Variants in FMN2 observed in about 807,000 individuals in gnomAD.
FMN2 encodes formin-2.
In FMN2, 51 loss-of-function variants were observed where a neutral mutation model predicts 142.3. The ratio of observed to expected loss-of-function variants is 0.36; its 90% CI spans 0.29 to 0.45. The LOEUF (loss-of-function observed/expected upper bound fraction) is 0.45. Among genes scored for constraint, FMN2 ranks in the 20% least tolerant of loss-of-function variants. The pLI, the probability that FMN2 is intolerant of heterozygous loss-of-function variation, is 1.00. For synonymous variants in FMN2, 882 were observed against 869.8 expected, an observed-to-expected ratio of 1.01 and a Z score of -0.25; for missense variants, 1,936 against 2,122.8, an observed-to-expected ratio of 0.91 and a Z score of 1.73.
chr1:240,202,503 T>C (rs905702254), intron 4 of FMN2, among the ~76,000 whole-genome samples: 6 of 152,116 alleles, frequency 3.9e-5, no homozygotes, highest in African/African-American at 1.4e-4. Context: ...ACTATTGTTG[T>C]TTTTTATATT....
intron 15 of FMN2, among the ~76,000 whole-genome samples, chr1:240,411,451 A>G (rs920142967): frequency 1.3e-5 from 2 of 151,946 alleles, no homozygotes; most frequent in Non-Finnish European, 2.9e-5. Flanking sequence ...CATGCCTGTA[A>G]TCCCAGCTAC....
intron 4 of FMN2, among the ~76,000 whole-genome samples, chr1:240,193,290 G>C (rs1053435008): frequency 3.3e-5 from 5 of 152,154 alleles, no homozygotes; most frequent in African/African-American, 9.7e-5. Flanking sequence ...ATTTGTGGTA[G>C]ATATTGAAGG....
chr1:240,148,833 A>G (rs992855037), intron 2 of FMN2, among the ~76,000 whole-genome samples: 8 of 152,052 alleles, frequency 5.3e-5, no homozygotes, highest in Non-Finnish European at 1.0e-4. Context: ...TTAGCCGGGC[A>G]TGGTGACGAG....
At chr1:240,422,614 A>G (rs75760213) in intron 15 of FMN2, among the ~76,000 whole-genome samples, 2,060 of 152,242 alleles carry the variant, frequency 0.014, 20 homozygotes, top group Non-Finnish European at 0.023. Context: ...ACCTTGCTAT[A>G]TTTGTGTATT....
chr1:240,358,921 G>T (rs920805649), intron 14 of FMN2, among the ~76,000 whole-genome samples: 1 of 152,136 alleles, frequency 6.6e-6, no homozygotes, highest in Non-Finnish European at 1.5e-5. Context: ...CAGGTCACAT[G>T]AGGCCAGGAG....
chr1:240,363,867 T>C (rs17680224), intron 14 of FMN2, among the ~76,000 whole-genome samples: 33,618 of 151,950 alleles, frequency 0.22, 3,926 homozygotes, highest in Admixed American at 0.32. Flanking sequence ...GTCCCCATGC[T>C]GGTCATGCTG....
chr1:240,415,751 C>T (rs1674556891), intron 15 of FMN2, among the ~76,000 whole-genome samples: 1 of 152,048 alleles, frequency 6.6e-6, no homozygotes, highest in African/African-American at 2.4e-5. Context: ...GTTTGCAGTG[C>T]AATGCAGTAA....
intron 1 of FMN2, among the ~76,000 whole-genome samples, chr1:240,119,038 G>A (rs1662132228): frequency 6.6e-6 from 1 of 152,098 alleles, no homozygotes; most frequent in African/African-American, 2.4e-5. Context: ...GACTTAAAAT[G>A]CCTCCACCTG....
intron 15 of FMN2, among the ~76,000 whole-genome samples, chr1:240,406,035 G>GGAGTGGGGGGAGCGAAGGGAAGCAGCC (rs1674149395): frequency 4.4e-5 from 2 of 45,496 alleles, no homozygotes; most frequent in African/African-American, 1.5e-4. Context: ...GGGAAGCAGC[G>GGAGTGGGGGGAGCGAAGGGAAGCAGCC]TCAGGAGTCG....
intron 8 of FMN2, among the ~76,000 whole-genome samples, chr1:240,311,006 A>C (rs1265844837): frequency 6.6e-6 from 1 of 152,176 alleles, no homozygotes; most frequent in Non-Finnish European, 1.5e-5. Flanking sequence ...AACTGAAGAA[A>C]AATACATGAA....
At chr1:240,146,636 G>T (rs1389669210) in intron 2 of FMN2, among the ~76,000 whole-genome samples, 5 of 152,042 alleles carry the variant, frequency 3.3e-5, no homozygotes, top group Non-Finnish European at 1.5e-5. Context: ...CCCAGGAGGT[G>T]GATGTTGCAG....
intron 4 of FMN2, among the ~76,000 whole-genome samples, chr1:240,201,777 G>C (rs2124726): frequency 0.3 from 45,879 of 151,894 alleles, 7,179 homozygotes; most frequent in South Asian, 0.37. Context: ...ATTGGTACCT[G>C]GGTATATCAG....
In FMN2 at chr1:240,207,487, C is replaced by T. The variant is rs1558361166; in HGVS notation, c.2675C>T (p.Pro892Leu). ...PLPGMTVPTLPSTAIPQPPPL... is the reference protein window; with the variant it reads ...PLPGMTVPTLLSTAIPQPPPL... ...CCTGGCATGACAGTGCCTACTCTGC[C>T]CAGTACAGCCATTCCCCAACCTCCT... The change falls in exon 5 of 18, where the codon CCC (proline) becomes CTC (leucine). Residue 892 changes from proline to leucine, a missense_variant. Around this residue, in one of 8 missense-constraint regions of FMN2, gnomAD observed 478 missense variants for 462.8 expected, o/e 1.03. Coordinates refer to ENST00000319653, the MANE Select transcript of FMN2 (RefSeq NM_020066.5). The T allele has an allele frequency of 2.5e-6, 4 of 1,613,404 alleles. No homozygotes were observed. In the African/African-American group the frequency reaches 5.4e-5, roughly 22 times the overall value.
At chr1:240,461,653 G>T (rs1430908528) in intron 16 of FMN2, among the ~76,000 whole-genome samples, 4 of 152,208 alleles carry the variant, frequency 2.6e-5, no homozygotes, top group Non-Finnish European at 5.9e-5. Flanking sequence ...TTAAGCCCAT[G>T]ATTTTGTCCC....
At chr1:240,213,998 C>A (rs1279449028) in intron 6 of FMN2, among the ~76,000 whole-genome samples, 1 of 152,172 alleles carries the variant, frequency 6.6e-6, no homozygotes, top group Non-Finnish European at 1.5e-5. Flanking sequence ...ATTTCCAAAT[C>A]CTTTTTTCTC....
intron 15 of FMN2, among the ~76,000 whole-genome samples, chr1:240,418,735 A>G (rs2103137898): frequency 6.6e-6 from 1 of 150,776 alleles, no homozygotes; most frequent in Non-Finnish European, 1.5e-5. Context: ...CTATTTTATT[A>G]TTTTAAACTG....
intron 13 of FMN2, 48 bp from the exon 14 acceptor site, chr1:240,355,767 TG>T: frequency 7.3e-7 from 1 of 1,363,228 alleles, no homozygotes; most frequent in Non-Finnish European, 1.0e-6. Flanking sequence ...ATTGCCTTAA[TG>T]CTCCACTAAC....
At chr1:240,303,374 T>A (rs1670271530) in intron 8 of FMN2, among the ~76,000 whole-genome samples, 1 of 152,208 alleles carries the variant, frequency 6.6e-6, no homozygotes, top group Non-Finnish European at 1.5e-5. Context: ...CCAGCTTTAG[T>A]ATATCTGGAA....
At position 240,270,242 on chromosome 1, in the gene FMN2, G is replaced by A. The variant is rs150795019; in HGVS notation, c.4153+12210G>A. Among the ~76,000 whole-genome samples, 394 of 152,128 alleles carry A rather than the reference G, an allele frequency of 2.6e-3. 1 individual carries two copies. Among genetic ancestry groups the A allele is most frequent in the South Asian group, 0.022 (107 of 4,828 alleles). On this transcript the variant is annotated intron_variant, in intron 7 of 17. Coordinates refer to ENST00000319653, the MANE Select transcript of FMN2 (RefSeq NM_020066.5). ...TTGTTGGGAGTTTTTATCATGAAAC[G>A]AGTTTGCCAAGGATGTGGGGAAAAG... is the stretch of plus-strand genomic sequence containing the variant.
Sources: gnomAD v4.1 joint callset for allele counts (sites outside exome capture counted in the v4.1 genomes callset) on GRCh38, gnomAD v4.1.1 for gene constraint, gnomAD v4.1.1 regional missense constraint, MANE v1.5 for transcripts, NCBI Gene and HGNC (gene_info 2026-07-23, HGNC 2026-07-21) for gene names.